Variants in FAT4 observed in about 807,000 individuals in gnomAD.
The protein encoded by FAT4 is protocadherin Fat 4.
In FAT4, 84 loss-of-function variants were observed where a neutral mutation model predicts 303.9. That is an observed-to-expected ratio of 0.28 (90% confidence interval 0.23 to 0.33). The LOEUF is 0.33. FAT4 is among the 10% of genes least tolerant of loss of function. The pLI is 1.00. For synonymous variants in FAT4, 2,307 were observed against 2,298.8 expected (o/e 1.00, Z -0.10); for missense variants, 6,005 against 6,146.8 (o/e 0.98, Z 0.77).
chr4:125,393,278 A>T (rs1479857648), intron 2 of FAT4, among the ~76,000 whole-genome samples: 1 of 152,174 alleles, frequency 6.6e-6, no homozygotes, highest in Non-Finnish European at 1.5e-5. Context: ...ATATGTTTAG[A>T]ATTGTGGTTG....
At chr4:125,439,139 T>C (rs928294264) in intron 8 of FAT4, among the ~76,000 whole-genome samples, 2 of 152,178 alleles carry the variant, frequency 1.3e-5, no homozygotes, top group African/African-American at 4.8e-5. Context: ...TAATTCTTAG[T>C]CTTTCTCTAT....
At chr4:125,333,349 T>A (rs1015139194) in intron 2 of FAT4, among the ~76,000 whole-genome samples, 1 of 152,160 alleles carries the variant, frequency 6.6e-6, no homozygotes, top group Admixed American at 6.5e-5. Flanking sequence ...TATTTTAAAG[T>A]GATGATTTTC....
In FAT4 at chr4:125,398,673, G is replaced by T. The variant is rs1321299393; in HGVS notation, c.5176-111G>T. ...TGTTGTTTGGATGTTAGATGCAAAG[G>T]TTCCAATTCATTTTGGCAGTCTTGA... On this transcript the variant is annotated intron_variant, in intron 2 of 17. Transcript: ENST00000394329. 1.3e-5 allele frequency: 13 copies of T among 1,038,420 alleles called. 1 individual carries two copies. Among genetic ancestry groups the T allele is most frequent in the South Asian group, 3.4e-5 (2 of 58,850 alleles). The allele number at this position is 1,038,420 out of a possible 1,614,324, so 64.3% of individuals were successfully genotyped here.
intron 12 of FAT4, among the ~76,000 whole-genome samples, chr4:125,474,557 T>A (rs1170466014): frequency 1.3e-5 from 2 of 151,854 alleles, no homozygotes; most frequent in Non-Finnish European, 2.9e-5. Flanking sequence ...GCAAAAAAAA[T>A]TCCATGTGGC....
chr4:125,476,138 C>CA (rs1219533641), intron 12 of FAT4, 33 bp from the exon 13 acceptor site: 1 of 1,437,982 alleles, frequency 7.0e-7, no homozygotes. Flanking sequence ...CGGTAGAACT[C>CA]AAAGTTGAAT....
chr4:125,426,333 T>G (rs1725084853), intron 7 of FAT4, among the ~76,000 whole-genome samples: 1 of 152,070 alleles, frequency 6.6e-6, no homozygotes, highest in Non-Finnish European at 1.5e-5. Flanking sequence ...GCCCCAATAA[T>G]TCTATAAATC....
intron 15 of FAT4, 90 bp downstream of exon 15, chr4:125,479,955 T>G: frequency 1.0e-6 from 1 of 983,826 alleles, no homozygotes; most frequent in Admixed American, 3.3e-5. Flanking sequence ...AATTAAAAAT[T>G]ATGCTTTCAT....
intron 2 of FAT4, among the ~76,000 whole-genome samples, chr4:125,396,791 G>A (rs1037573830): frequency 1.3e-5 from 2 of 151,936 alleles, no homozygotes; most frequent in Admixed American, 6.6e-5. Context: ...GATGCATTCA[G>A]TTACCTTTTA....
intron 7 of FAT4, among the ~76,000 whole-genome samples, chr4:125,430,026 G>C (rs970690411): frequency 2.0e-5 from 3 of 152,146 alleles, no homozygotes; most frequent in Non-Finnish European, 2.9e-5. Flanking sequence ...TGGGATGAGG[G>C]GGGAGGGAAA....
intron 12 of FAT4, 56 bp from the exon 13 acceptor site, chr4:125,476,115 A>G: frequency 9.7e-7 from 1 of 1,032,586 alleles, no homozygotes; most frequent in Non-Finnish European, 1.4e-6. Context: ...TTGGCTGGAA[A>G]GGCTAATAGG....
In FAT4 at chr4:125,490,914, C is replaced by T; in HGVS notation, c.14098C>T (p.Leu4700=). The T allele has an allele frequency of 1.2e-6, 2 of 1,614,210 alleles. No homozygotes were observed. The highest frequency in any genetic ancestry group is 1.7e-6 in the Non-Finnish European group (2 of 1,180,024). ...SHSACPTPNP[L]SRHSPAPFSK... ...CTCAGCATGCCCAACTCCCAACCCTCTGTCTCGACACAGTCCAGCCCCTTT... is the reference window on the plus strand; with the variant it reads ...CTCAGCATGCCCAACTCCCAACCCTTTGTCTCGACACAGTCCAGCCCCTTT... Residue 4700 remains leucine (L), a synonymous_variant, in exon 18 of 18, where the codon CTG becomes TTG. Coordinates refer to ENST00000394329, the MANE Select transcript of FAT4 (RefSeq NM_001291303.3).
At position 125,448,726 on chromosome 4, in the gene FAT4, A is replaced by G; in HGVS notation, c.7716A>G (p.Lys2572=). ...NKADFPKVRA[K]EQTFMFPENQ... ...CCGATTTCCCTAAAGTGAGAGCCAA[A>G]GAACAAACGTTCATGTTTCCTGAAA... Residue 2572 remains lysine (K), a synonymous_variant, in exon 10 of 18, where the codon AAA becomes AAG. Coordinates refer to ENST00000394329, the MANE Select transcript of FAT4 (RefSeq NM_001291303.3). The G allele has an allele frequency of 6.2e-7, 1 of 1,613,830 alleles. No individual in the cohort carries two copies. Among genetic ancestry groups the G allele is most frequent in the Non-Finnish European group, 8.5e-7 (1 of 1,179,922 alleles).
At chr4:125,373,181 A>G (rs1367669426) in intron 2 of FAT4, among the ~76,000 whole-genome samples, 2 of 152,178 alleles carry the variant, frequency 1.3e-5, no homozygotes, top group African/African-American at 4.8e-5. Flanking sequence ...TGTAAAAGTT[A>G]GAGGATGATT....
rs751217207 is a variant in FAT4, at chr4:125,321,403, G to T, written c.4992G>T (p.Glu1664Asp). ...ASPRGSEAPV[E>D]YYIVSVRCEE... Reference sequence around the variant, plus strand: ...CCAGAGGATCTGAGGCCCCAGTGGAGTATTATATTGTTTCAGTTCGTTGTG... The same window carrying T: ...CCAGAGGATCTGAGGCCCCAGTGGATTATTATATTGTTTCAGTTCGTTGTG... The change falls in exon 2 of 18, where the codon GAG becomes GAT. Residue 1664 changes from glutamate (E) to aspartate (D), a missense_variant. Physicochemically the swap from Glu to Asp is conservative, Grantham distance 45 (BLOSUM62 2). Transcript: ENST00000394329. 6.2e-7 allele frequency: 1 copy of T among 1,614,092 alleles called. No homozygotes were observed. The highest frequency in any genetic ancestry group is 2.2e-5 in the East Asian group (1 of 44,878).
intron 7 of FAT4, among the ~76,000 whole-genome samples, chr4:125,425,739 G>A (rs182291145): frequency 3.4e-4 from 51 of 152,090 alleles, no homozygotes; most frequent in Non-Finnish European, 4.9e-4. Context: ...ATTAATCTGC[G>A]CACAAATTAA....
In FAT4 at chr4:125,442,590, A is replaced by G. The variant is rs539684188; in HGVS notation, c.7200-3703A>G. On this transcript the variant is annotated intron_variant, in intron 8 of 17. Transcript: ENST00000394329. ...AATGTTCACAAACCTTGTTTCAAGC[A>G]ATTATCAAAAATATTAGATAAAATT... is the stretch of plus-strand genomic sequence containing the variant. Among the ~76,000 whole-genome samples the G allele has an allele frequency of 4.2e-4, 64 of 152,250 alleles. 1 individual carries two copies. Among genetic ancestry groups the G allele is most frequent in the Middle Eastern group, 3.4e-3 (1 of 294 alleles).
In FAT4 at chr4:125,406,734, A is replaced by C. The variant is rs182106014; in HGVS notation, c.5308-146A>C. The C allele has an allele frequency of 4.6e-4, 358 of 786,090 alleles. 2 individuals carry two copies. The African/African-American group carries it at 5.5e-3, about 12-fold the overall frequency. 48.7% of individuals were successfully genotyped at this position (786,090 alleles called of 1,614,324 possible). On this transcript the variant is annotated intron_variant, in intron 3 of 17. Coordinates refer to ENST00000394329, the MANE Select transcript of FAT4 (RefSeq NM_001291303.3). ...ACCGCCTTCGTTAGTTAGTAAGTTT[A>C]TCTCTCATTACCTGTTTAAGTCTTA...
At position 125,491,141 on chromosome 4, in the gene FAT4, G is replaced by A. The variant is rs758537642; in HGVS notation, c.14325G>A (p.Pro4775=). The A allele has an allele frequency of 1.1e-4, 177 of 1,614,026 alleles. No homozygotes were observed. Among genetic ancestry groups the A allele is most frequent in the Middle Eastern group, 6.6e-4 (4 of 6,082 alleles). The change falls in exon 18 of 18, where the codon CCG becomes CCA. Residue 4775 remains proline (P), a synonymous_variant. Transcript: ENST00000394329. ...GSRPGSRLKQ[P]IGQIPLESSP... ...GACCAGGGAGTCGCCTAAAGCAGCC[G>A]ATTGGGCAGATTCCACTGGAATCTT...
intron 2 of FAT4, among the ~76,000 whole-genome samples, chr4:125,350,880 AAAG>A (rs1732196668): frequency 6.6e-6 from 1 of 151,736 alleles, no homozygotes. Context: ...CTTTAAATTT[AAAG>A]AAGAATGCCT....
Sources: gnomAD v4.1 joint callset for allele counts (sites outside exome capture counted in the v4.1 genomes callset) on GRCh38, gnomAD v4.1.1 for gene constraint, MANE v1.5 for transcripts, NCBI Gene and HGNC (gene_info 2026-07-23, HGNC 2026-07-21) for gene names.